UNC80: variants seen among roughly 807,000 people sequenced by gnomAD.
UNC80 encodes unc-80 subunit of NALCN channel complex, also known as protein unc-80 homolog.
A neutral mutation model predicts 384.6 loss-of-function variants in UNC80; 164 were observed. The observed-to-expected ratio is 0.43, with a 90% CI of 0.38 to 0.49. The LOEUF (loss-of-function observed/expected upper bound fraction) is 0.49. Among genes scored for constraint, UNC80 ranks in the 20% least tolerant of loss-of-function variants. The pLI is 0.00. For missense variants in UNC80, 3,330 were observed against 4,143.0 expected, an observed-to-expected ratio of 0.80 and a Z score of 5.39; for synonymous variants, 1,486 against 1,527.8, an observed-to-expected ratio of 0.97 and a Z score of 0.64.
intron 22 of UNC80, among the ~76,000 whole-genome samples, chr2:209,860,248 G>A (rs1026271471): frequency 2.0e-5 from 3 of 152,168 alleles, no homozygotes; most frequent in Non-Finnish European, 4.4e-5. Flanking sequence ...CTCTGCATAT[G>A]GCTAGCCAGT....
chr2:209,975,852 C>G (rs1362994490), intron 56 of UNC80, among the ~76,000 whole-genome samples: 5 of 152,096 alleles, frequency 3.3e-5, no homozygotes, highest in Non-Finnish European at 4.4e-5. Flanking sequence ...CCACATTGCT[C>G]TATATTTTCC....
At chr2:209,956,053 T>C (rs1436819868) in intron 48 of UNC80, among the ~76,000 whole-genome samples, 1 of 151,966 alleles carries the variant, frequency 6.6e-6, no homozygotes, top group African/African-American at 2.4e-5. Flanking sequence ...CTATTTCTCC[T>C]CATATTACGT....
intron 7 of UNC80, among the ~76,000 whole-genome samples, chr2:209,798,666 T>C (rs1449502041): frequency 6.6e-6 from 1 of 150,936 alleles, no homozygotes; most frequent in Non-Finnish European, 1.5e-5. Flanking sequence ...TTTATTTTTA[T>C]TTTTTTATTT....
In UNC80 at chr2:209,992,314, C is replaced by T. The variant is rs1395279670; in HGVS notation, c.9396+67C>T. The T allele has an allele frequency of 2.1e-6, 3 of 1,406,344 alleles. No individual in the cohort carries two copies. The East Asian group carries it at 7.5e-5, about 35-fold the overall frequency. The allele number at this position is 1,406,344 out of a possible 1,614,324, so 87.1% of individuals were successfully genotyped here. On this transcript the variant is annotated intron_variant, in intron 62 of 64. Coordinates refer to ENST00000673920, the MANE Select transcript of UNC80 (RefSeq NM_001371986.1). ...TGGAAGCTCTGTGTGATTTTTAATGCCCATGTATATTAAGATATTTTGCTG... is the reference window on the plus strand; with the variant it reads ...TGGAAGCTCTGTGTGATTTTTAATGTCCATGTATATTAAGATATTTTGCTG...
At chr2:209,819,350 A>T in intron 12 of UNC80, 89 bp downstream of exon 12, 1 of 1,307,694 alleles carries the variant, frequency 7.6e-7, no homozygotes, top group Non-Finnish European at 1.0e-6. Flanking sequence ...GGGCATATAG[A>T]TTCTTAGAAA....
At chr2:209,935,634 T>A in intron 39 of UNC80, 80 bp from the exon 40 acceptor site, 1 of 613,146 alleles carries the variant, frequency 1.6e-6, no homozygotes, top group South Asian at 3.4e-5. Context: ...AGCTTATTGA[T>A]AATATTTTAA....
At chr2:209,809,540 A>G (rs2079180899) in intron 7 of UNC80, 1 of 993,562 alleles carries the variant, frequency 1.0e-6, no homozygotes, top group Non-Finnish European at 1.6e-6. Context: ...GCCCTGCTCC[A>G]CAAGCACCAA....
chr2:209,859,181 C>G (rs2083170786), intron 22 of UNC80, among the ~76,000 whole-genome samples: 1 of 152,068 alleles, frequency 6.6e-6, no homozygotes, highest in Admixed American at 6.6e-5. Context: ...TAAGTTTCCT[C>G]TCCTCACTCT....
rs772998315 is a variant in UNC80, at chr2:209,820,528, G to A, written c.2180G>A (p.Cys727Tyr). The A allele has an allele frequency of 5.8e-6, 9 of 1,551,462 alleles. No individual in the cohort carries two copies. Among genetic ancestry groups the A allele is most frequent in the Non-Finnish European group, 7.8e-6 (9 of 1,146,990 alleles). The part of the protein sequence containing the change: ...QFKGVSGSST[C>Y]GFGGPAVSGA... Reference sequence around the variant, plus strand: ...AAAGGAGTATCTGGAAGTTCCACCTGTGGATTCGGAGGCCCTGCTGTTAGT... The same window carrying A: ...AAAGGAGTATCTGGAAGTTCCACCTATGGATTCGGAGGCCCTGCTGTTAGT... The change falls in exon 13 of 65, where the codon TGT (cysteine) becomes TAT (tyrosine). Residue 727 changes from cysteine to tyrosine, a missense_variant. Transcript: ENST00000673920.
chr2:209,871,129 T>C (rs1247402839), intron 22 of UNC80, among the ~76,000 whole-genome samples: 1 of 152,196 alleles, frequency 6.6e-6, no homozygotes, highest in Admixed American at 6.5e-5. Context: ...TATGTTTATA[T>C]ATTTATGTTT....
chr2:209,982,125 T>G, intron 59 of UNC80, 54 bp from the exon 60 acceptor site: 1 of 1,514,760 alleles, frequency 6.6e-7, no homozygotes, highest in African/African-American at 1.4e-5. Context: ...TTGGTTGGGT[T>G]TTTCTGATCA....
chr2:209,927,025 A>T (rs1386937273), intron 36 of UNC80, 39 bp downstream of exon 36: 1 of 1,547,756 alleles, frequency 6.5e-7, no homozygotes. Flanking sequence ...TGACATTCTT[A>T]AGCTGTTTAT....
At chr2:209,863,123 G>A (rs149917126) in intron 22 of UNC80, among the ~76,000 whole-genome samples, 1,559 of 152,214 alleles carry the variant, frequency 0.01, 11 homozygotes, top group Middle Eastern at 0.037. Flanking sequence ...GAAATTCTGG[G>A]TTGAAAATTC....
chr2:209,791,775 G>A (rs568877978), intron 6 of UNC80, among the ~76,000 whole-genome samples: 101 of 126,156 alleles, frequency 8.0e-4, no homozygotes, highest in Middle Eastern at 5.9e-3. Flanking sequence ...AGCTGAGATC[G>A]TGCCACTGCA....
chr2:209,955,692 AATATATATATATATAT>A lies in UNC80; in HGVS notation c.7457+1454_7457+1469del, dbSNP rs57804600. Among the ~76,000 whole-genome samples the A allele has an allele frequency of 6.1e-3, 313 of 51,602 alleles. 2 individuals carry two copies. The Middle Eastern group carries it at 0.1, about 17-fold the overall frequency. 33.9% of individuals were successfully genotyped at this position (51,602 alleles called of 152,430 possible). A position where few individuals can be genotyped will look rare whatever the true frequency, so the allele number is the denominator to read the frequency against. ...TGTTCCCAAATGCCACTGTATTTCT[AATATATATATATATAT>A]ATATATATATATATATATATATATA... On this transcript the variant is annotated intron_variant, in intron 48 of 64. Coordinates refer to ENST00000673920, the MANE Select transcript of UNC80 (RefSeq NM_001371986.1).
chr2:209,817,158 T>G, intron 10 of UNC80, 33 bp downstream of exon 10: 1 of 1,535,394 alleles, frequency 6.5e-7, no homozygotes, highest in African/African-American at 1.4e-5. Context: ...TAGGGCAGAG[T>G]TTAAGTGACC....
At chr2:209,783,003 A>G (rs995188712) in intron 4 of UNC80, among the ~76,000 whole-genome samples, 61 of 152,134 alleles carry the variant, frequency 4.0e-4, no homozygotes, top group Non-Finnish European at 3.2e-4. Flanking sequence ...AACAAAAAGC[A>G]AGCCCTTCAG....
chr2:209,833,810 T>C (rs978184535), intron 16 of UNC80, among the ~76,000 whole-genome samples, 192 bp from the exon 17 acceptor site: 3 of 152,214 alleles, frequency 2.0e-5, no homozygotes, highest in African/African-American at 7.2e-5. Context: ...AGCAAAGGCC[T>C]TGGTAATGTT....
Position 209,925,370 on chromosome 2 carries a change from G to A in UNC80, c.5663-1473G>A, listed in dbSNP as rs113217552. On this transcript the variant is annotated intron_variant, in intron 35 of 64. Coordinates refer to ENST00000673920, the MANE Select transcript of UNC80 (RefSeq NM_001371986.1). The stretch of plus-strand genomic sequence containing the variant: ...TCGCTGACTTCAAGAATGAAGCCGC[G>A]GACCTTCACAGTGAGTGTTACAGCT... Among the ~76,000 whole-genome samples, 1,254 of 152,148 alleles carry A rather than the reference G, an allele frequency of 8.2e-3. 12 individuals carry two copies. The highest frequency in any genetic ancestry group is 0.027 in the South Asian group (131 of 4,806).
Sources: gnomAD v4.1 joint callset for allele counts (sites outside exome capture counted in the v4.1 genomes callset) on GRCh38, gnomAD v4.1.1 for gene constraint, MANE v1.5 for transcripts, NCBI Gene and HGNC (gene_info 2026-07-23, HGNC 2026-07-21) for gene names.